JMY: variants seen among roughly 807,000 people sequenced by gnomAD.
The protein encoded by JMY is junction-mediating and -regulatory protein.
JMY carries 46 observed loss-of-function variants against 103.3 expected under a neutral mutation model. The observed-to-expected ratio is 0.45, with a 90% CI of 0.35 to 0.57. JMY has a LOEUF of 0.57. JMY is among the 20% of genes least tolerant of loss of function. JMY has a pLI of 0.00. For missense variants in JMY, 1,238 were observed against 1,255.2 expected, an observed-to-expected ratio of 0.99 and a Z score of 0.21; for synonymous variants, 526 against 489.3, an observed-to-expected ratio of 1.07 and a Z score of -0.99.
intron 6 of JMY, among the ~76,000 whole-genome samples, chr5:79,302,529 G>A (rs1746766944): frequency 6.6e-6 from 1 of 152,106 alleles, no homozygotes; most frequent in African/African-American, 2.4e-5. Flanking sequence ...ATAGAAATTG[G>A]CCAGATTGAT....
In JMY at chr5:79,236,563, G is replaced by C. The variant is rs1744501901; in HGVS notation, c.-88G>C. The C allele has an allele frequency of 2.3e-5, 26 of 1,115,758 alleles. 1 individual carries two copies. The South Asian group carries it at 6.2e-4, about 27-fold the overall frequency. The allele number at this position is 1,115,758 out of a possible 1,614,324, so 69.1% of individuals were successfully genotyped here. A position where few individuals can be genotyped will look rare whatever the true frequency, so the allele number is the denominator to read the frequency against. ...AGATGGCTGAAGGCGCCCGGCGAGGGTGAGCGGGGGGCGCGGCGCAGCCAG... is the reference window on the plus strand; with the variant it reads ...AGATGGCTGAAGGCGCCCGGCGAGGCTGAGCGGGGGGCGCGGCGCAGCCAG... On this transcript the variant is annotated 5_prime_UTR_variant, in exon 1 of 11. Coordinates refer to ENST00000396137, the MANE Select transcript of JMY (RefSeq NM_152405.5).
At position 79,325,129 on chromosome 5, in the gene JMY, T is replaced by TCA. The variant is rs1747592354; in HGVS notation, c.*3528_*3529insAC. On this transcript the variant is annotated 3_prime_UTR_variant, in exon 11 of 11. Transcript: ENST00000396137. ...ATTAATACAATTTAATTTTACACAT[T>TCA]CCCTAAGACACCATTTTTAAGTTAC... The TCA allele has an allele frequency of 6.6e-6, 1 of 152,548 alleles. No homozygotes were observed. Among genetic ancestry groups the TCA allele is most frequent in the South Asian group, 2.1e-4 (1 of 4,830 alleles). 9.4% of individuals were successfully genotyped at this position (152,548 alleles called of 1,614,324 possible).
chr5:79,246,737 T>C lies in JMY; in HGVS notation c.1032+9055T>C, dbSNP rs151154234. ...CTCTACTAAAAATGCGAAAATTAGCTGGGTGTGGTGTTGGACACCTGTAAT... is the reference window on the plus strand; with the variant it reads ...CTCTACTAAAAATGCGAAAATTAGCCGGGTGTGGTGTTGGACACCTGTAAT... On this transcript the variant is annotated intron_variant, in intron 1 of 10. Coordinates refer to ENST00000396137, the MANE Select transcript of JMY (RefSeq NM_152405.5). Among the ~76,000 whole-genome samples, 1,056 of 152,124 alleles carry C rather than the reference T, an allele frequency of 6.9e-3. 4 individuals are homozygous for C. The highest frequency in any genetic ancestry group is 0.012 in the Non-Finnish European group (810 of 67,982).
In JMY at chr5:79,300,240, G is replaced by A. The variant is rs1456507640; in HGVS notation, c.1615G>A (p.Glu539Lys). ...TTATGATCTGCAACTTCAGTTGTAT[G>A]AAGTACAGTTTGAAATCTTGAAGTG... ...DYYDLQLQLYEVQFEILKCEE... is the reference protein window; with the variant it reads ...DYYDLQLQLYKVQFEILKCEE... The change falls in exon 5 of 11, where the codon GAA (glutamate) becomes AAA (lysine). Residue 539 changes from glutamate (E) to lysine (K), a missense_variant. Physicochemically the swap from Glu to Lys is moderately conservative, Grantham distance 56 (BLOSUM62 1). Transcript: ENST00000396137. 1.2e-6 allele frequency: 2 copies of A among 1,604,900 alleles called. No individual in the cohort carries two copies. Among genetic ancestry groups the A allele is most frequent in the African/African-American group, 1.3e-5 (1 of 74,210 alleles).
chr5:79,296,864 A>G (rs553095676), intron 4 of JMY, among the ~76,000 whole-genome samples: 6 of 152,336 alleles, frequency 3.9e-5, no homozygotes, highest in Non-Finnish European at 8.8e-5. Flanking sequence ...AAAAAGTGCC[A>G]TCTGGTTTCA....
At chr5:79,294,815 G>A (rs1746522120) in intron 4 of JMY, among the ~76,000 whole-genome samples, 1 of 150,810 alleles carries the variant, frequency 6.6e-6, no homozygotes, top group African/African-American at 2.4e-5. Context: ...TCGAGATGAT[G>A]CCACTGCACT....
chr5:79,277,463 CAA>C (rs771446906), intron 1 of JMY, among the ~76,000 whole-genome samples: 1 of 129,586 alleles, frequency 7.7e-6, no homozygotes, highest in Admixed American at 7.8e-5. Context: ...CCCGTCTCTA[CAA>C]AAAAAAAAAA....
At position 79,325,319 on chromosome 5, in the gene JMY, A is replaced by C. The variant is rs1747599882; in HGVS notation, c.*3717A>C. 1 of 152,186 alleles carries C rather than the reference A, an allele frequency of 6.6e-6. No individual in the cohort carries two copies. Among genetic ancestry groups the C allele is most frequent in the South Asian group, 2.1e-4 (1 of 4,832 alleles). 9.4% of individuals were successfully genotyped at this position (152,186 alleles called of 1,614,324 possible). On this transcript the variant is annotated 3_prime_UTR_variant, in exon 11 of 11. Coordinates refer to ENST00000396137, the MANE Select transcript of JMY (RefSeq NM_152405.5). ...GTACTATTGGGTCCTTAAGGGCTCT[A>C]TCAGGGAGTTGAAATTTCATACGCT...
intron 10 of JMY, 129 bp from the exon 11 acceptor site, chr5:79,321,477 C>T (rs1747447568): frequency 6.6e-6 from 1 of 151,978 alleles, no homozygotes; most frequent in African/African-American, 2.4e-5. Context: ...TTCATTTTTA[C>T]TGCTTTAAGA....
intron 6 of JMY, among the ~76,000 whole-genome samples, chr5:79,302,101 A>C (rs1746753475): frequency 6.6e-6 from 1 of 151,794 alleles, no homozygotes; most frequent in African/African-American, 2.4e-5. Flanking sequence ...AAAAAAAAAA[A>C]ACATTGCAGT....
chr5:79,270,141 CCTTTT>C (rs1745701793), intron 1 of JMY, among the ~76,000 whole-genome samples: 1 of 151,810 alleles, frequency 6.6e-6, no homozygotes, highest in Non-Finnish European at 1.5e-5. Flanking sequence ...TTTTAAATTT[CCTTTT>C]CTTTTGTTAT....
chr5:79,299,994 A>G (rs115204559), intron 4 of JMY, among the ~76,000 whole-genome samples, 159 bp from the exon 5 acceptor site: 2,408 of 151,556 alleles, frequency 0.016, 70 homozygotes, highest in African/African-American at 0.054. Flanking sequence ...ACATATATAT[A>G]TATATATTTT....
At position 79,323,811 on chromosome 5, in the gene JMY, T is replaced by TAAG. The variant is rs1040027101; in HGVS notation, c.*2210_*2212dup. ...TGTCTTCCAGAGTGTGCTGTAATCA[T>TAAG]AAGTCTCTAGCAAAGAGTGGAGGGT... On this transcript the variant is annotated 3_prime_UTR_variant, in exon 11 of 11. Transcript: ENST00000396137. 9.9e-5 allele frequency: 15 copies of TAAG among 152,198 alleles called. No homozygotes were observed. The highest frequency in any genetic ancestry group is 3.4e-4 in the African/African-American group (14 of 41,438). The allele number at this position is 152,198 out of a possible 1,614,324, so 9.4% of individuals were successfully genotyped here.
chr5:79,242,858 A>C (rs1276902062), intron 1 of JMY, among the ~76,000 whole-genome samples: 1 of 150,758 alleles, frequency 6.6e-6, no homozygotes, highest in Non-Finnish European at 1.5e-5. Flanking sequence ...ATCTCAGCTC[A>C]CTGCAACCTC....
At chr5:79,316,371 G>A in intron 10 of JMY, 61 bp downstream of exon 10, 1 of 1,309,256 alleles carries the variant, frequency 7.6e-7, no homozygotes, top group African/African-American at 1.5e-5. Context: ...CGGATGATGA[G>A]GTTTGGGGTA....
At chr5:79,301,586 A>G (rs572304700) in intron 6 of JMY, among the ~76,000 whole-genome samples, 2 of 152,318 alleles carry the variant, frequency 1.3e-5, no homozygotes, top group Non-Finnish European at 1.5e-5. Context: ...AAAGAAACTC[A>G]GACAGGCATG....
intron 1 of JMY, among the ~76,000 whole-genome samples, chr5:79,259,785 A>G (rs1392268990): frequency 6.6e-6 from 1 of 152,216 alleles, no homozygotes; most frequent in Non-Finnish European, 1.5e-5. Context: ...AAGTCCAGGC[A>G]GTGGGAGCAG....
chr5:79,267,931 G>T (rs1488399007), intron 1 of JMY, among the ~76,000 whole-genome samples: 1 of 152,210 alleles, frequency 6.6e-6, no homozygotes, highest in African/African-American at 2.4e-5. Flanking sequence ...AGGTGGTAAG[G>T]TATGTGTAGT....
At chr5:79,261,757 T>C (rs1745430221) in intron 1 of JMY, among the ~76,000 whole-genome samples, 1 of 152,212 alleles carries the variant, frequency 6.6e-6, no homozygotes, top group South Asian at 2.1e-4. Flanking sequence ...ATAACCCTGC[T>C]GGGATTACAG....
Sources: gnomAD v4.1 joint callset for allele counts (sites outside exome capture counted in the v4.1 genomes callset) on GRCh38, gnomAD v4.1.1 for gene constraint, MANE v1.5 for transcripts, NCBI Gene and HGNC (gene_info 2026-07-23, HGNC 2026-07-21) for gene names.